Variants in SCN2A observed in about 807,000 individuals in gnomAD.
SCN2A encodes the protein sodium voltage-gated channel alpha subunit 2.
In SCN2A, 20 loss-of-function variants were observed where a neutral mutation model predicts 188.7. The ratio of observed to expected loss-of-function variants is 0.11; its 90% confidence interval spans 0.07 to 0.15. SCN2A has a LOEUF of 0.15. SCN2A is among the 10% of genes least tolerant of loss of function. SCN2A has a pLI of 1.00. For missense variants in SCN2A, 1,278 were observed against 2,445.0 expected (o/e 0.52, Z 10.07); for synonymous variants, 804 against 833.1 (o/e 0.97, Z 0.60).
rs113343306 is a variant in SCN2A at position 165,320,735 on chromosome 2, C to T, written c.1672-2421C>T. Among the ~76,000 whole-genome samples, 1,284 of 152,272 alleles carry T rather than the reference C, an allele frequency of 8.4e-3. 10 individuals carry two copies. Among genetic ancestry groups the T allele is most frequent in the Non-Finnish European group, 0.011 (771 of 68,008 alleles). On this transcript the variant is annotated intron_variant, in intron 11 of 26. Transcript: ENST00000375437. ...TGCCCCTTTCAGCCATGGCTGGAGC[C>T]GCAGAGATACAGGGCACCAAGTTCC...
At chr2:165,294,062 A>G (rs1456704998) in intron 1 of SCN2A, 1 of 711,312 alleles carries the variant, frequency 1.4e-6, no homozygotes, top group Non-Finnish European at 1.7e-6. Flanking sequence ...TTAAAGCATG[A>G]TGGAATTTTA....
intron 11 of SCN2A, among the ~76,000 whole-genome samples, chr2:165,319,256 G>A (rs1430178396): frequency 6.6e-6 from 1 of 152,160 alleles, no homozygotes; most frequent in Non-Finnish European, 1.5e-5. Flanking sequence ...AGAATGGTGT[G>A]AACCTGGGAG....
chr2:165,251,906 C>T lies in SCN2A; in HGVS notation c.-52+12266C>T, dbSNP rs531473409. On this transcript the variant is annotated intron_variant, in intron 1 of 26. Coordinates refer to ENST00000375437, the MANE Select transcript of SCN2A (RefSeq NM_001040142.2). The stretch of plus-strand genomic sequence containing the variant: ...GGATCCAATTTTTTTATCCTCACAA[C>T]GATCATGTGAATTAGGTACTATTAT... 5.9e-5 allele frequency among the ~76,000 whole-genome samples: 9 copies of T among 151,998 alleles called. No homozygotes were observed. In the South Asian group the frequency reaches 6.2e-4, roughly 10 times the overall value.
intron 18 of SCN2A, among the ~76,000 whole-genome samples, chr2:165,366,324 A>T (rs1471922331): frequency 6.6e-6 from 1 of 152,226 alleles, no homozygotes; most frequent in East Asian, 1.9e-4. Context: ...AATAGTAGAT[A>T]CTCAATAAGT....
Position 165,386,942 on chromosome 2 carries a change from T to C in SCN2A, c.4748T>C (p.Ile1583Thr), listed in dbSNP as rs367566833. The change falls in exon 26 of 27, where the codon ATC (isoleucine) becomes ACC (threonine). Residue 1583 changes from isoleucine to threonine, a missense_variant. Ile to Thr is a moderately conservative substitution (Grantham distance 89). Transcript: ENST00000375437. ...LFTGECVLKL[I>T]SLRYYYFTIG... ...ACTGGAGAATGTGTGCTGAAACTGA[T>C]CTCTCTTCGTTACTACTATTTCACT... 5 of 1,613,878 alleles carry C rather than the reference T, an allele frequency of 3.1e-6. No individual in the cohort carries two copies. In the African/African-American group the frequency reaches 5.3e-5, roughly 17 times the overall value.
chr2:165,261,436 A>G (rs1694590890), intron 1 of SCN2A, among the ~76,000 whole-genome samples: 1 of 152,256 alleles, frequency 6.6e-6, no homozygotes, highest in Non-Finnish European at 1.5e-5. Flanking sequence ...AGAAGGCCAG[A>G]GGTTGCTAAA....
At chr2:165,321,627 CAAAG>C (rs1463785722) in intron 11 of SCN2A, among the ~76,000 whole-genome samples, 1 of 152,044 alleles carries the variant, frequency 6.6e-6, no homozygotes, top group East Asian at 1.9e-4. Context: ...TGGTGTCAGG[CAAAG>C]AGAGAGTGAG....
At chr2:165,255,732 C>T (rs1339415250) in intron 1 of SCN2A, among the ~76,000 whole-genome samples, 1 of 152,132 alleles carries the variant, frequency 6.6e-6, no homozygotes, top group Non-Finnish European at 1.5e-5. Flanking sequence ...ATTTTCTCAG[C>T]TGCTGGTAGA....
chr2:165,277,663 G>A lies in SCN2A; in HGVS notation c.-51-18110G>A, dbSNP rs1695404155. Among the ~76,000 whole-genome samples the A allele has an allele frequency of 2.0e-5, 3 of 152,228 alleles. No individual in the cohort carries two copies. The South Asian group carries it at 6.2e-4, about 32-fold the overall frequency. On this transcript the variant is annotated intron_variant, in intron 1 of 26. Transcript: ENST00000375437. The stretch of plus-strand genomic sequence containing the variant: ...AAGCAAAGTTTAGGTTACTTCTGAG[G>A]GCCACTTGGATTTGTCTGCTCAGAA...
chr2:165,287,795 C>A (rs752933999), intron 1 of SCN2A, among the ~76,000 whole-genome samples: 1 of 152,116 alleles, frequency 6.6e-6, no homozygotes, highest in Non-Finnish European at 1.5e-5. Context: ...ACTGCAAATT[C>A]TTTGTGGACC....
intron 1 of SCN2A, among the ~76,000 whole-genome samples, chr2:165,292,430 G>C (rs1353253770): frequency 2.6e-5 from 4 of 152,042 alleles, no homozygotes; most frequent in Non-Finnish European, 4.4e-5. Flanking sequence ...CCACCACCCA[G>C]GTAGCAAGCA....
At chr2:165,384,888 G>C (rs1403137723) in intron 25 of SCN2A, among the ~76,000 whole-genome samples, 1 of 152,138 alleles carries the variant, frequency 6.6e-6, no homozygotes, top group East Asian at 1.9e-4. Flanking sequence ...AAGCTTCTAA[G>C]AGTGGTAGGC....
At chr2:165,256,482 A>G (rs1433900424) in intron 1 of SCN2A, among the ~76,000 whole-genome samples, 1 of 152,168 alleles carries the variant, frequency 6.6e-6, no homozygotes, top group Non-Finnish European at 1.5e-5. Context: ...TGCACCATGT[A>G]TATCTTTACA....
chr2:165,319,936 C>T (rs1697983764), intron 11 of SCN2A, among the ~76,000 whole-genome samples: 1 of 152,170 alleles, frequency 6.6e-6, no homozygotes, highest in African/African-American at 2.4e-5. Context: ...TGAATCATGC[C>T]TTCCCAACAG....
chr2:165,305,063 T>C (rs1032990925), intron 3 of SCN2A, among the ~76,000 whole-genome samples: 10 of 152,178 alleles, frequency 6.6e-5, no homozygotes, highest in African/African-American at 1.9e-4. Context: ...ACTTGGACCA[T>C]GCAGTGATAT....
rs80323823 is a variant in SCN2A, at chr2:165,276,310, C to T, written c.-51-19463C>T. On this transcript the variant is annotated intron_variant, in intron 1 of 26. Transcript: ENST00000375437. ...TGAATTAGCTCCCTAAAAATACAAA[C>T]GCAACAATTCCAAAAGAAGGAATTC... Among the ~76,000 whole-genome samples, 343 of 151,732 alleles carry T rather than the reference C, an allele frequency of 2.3e-3. 2 individuals carry two copies. Among genetic ancestry groups the T allele is most frequent in the East Asian group, 0.013 (66 of 5,160 alleles).
At chr2:165,346,080 T>C (rs1699569740) in intron 16 of SCN2A, among the ~76,000 whole-genome samples, 1 of 152,232 alleles carries the variant, frequency 6.6e-6, no homozygotes. Flanking sequence ...AGAGATCTGC[T>C]GTTAGTCTGG....
intron 17 of SCN2A, among the ~76,000 whole-genome samples, chr2:165,359,737 G>A (rs1317095722): frequency 2.0e-5 from 3 of 152,022 alleles, no homozygotes; most frequent in Non-Finnish European, 4.4e-5. Context: ...GTTTTCCAGT[G>A]GGATAGTGAT....
At chr2:165,309,081 C>T (rs1697291481) in intron 5 of SCN2A, 1 of 1,427,210 alleles carries the variant, frequency 7.0e-7, no homozygotes, top group African/African-American at 1.4e-5. Context: ...TGGCGACACT[C>T]ATGAAATTAA....
Sources: allele counts gnomAD v4.1 joint callset (sites outside exome capture counted in the v4.1 genomes callset), GRCh38; gene constraint gnomAD v4.1.1; transcripts MANE v1.5; gene names NCBI Gene and HGNC (gene_info 2026-07-23, HGNC 2026-07-21).